CDH10: variants seen among roughly 807,000 people sequenced by gnomAD.
The protein encoded by CDH10 is cadherin 10.
A neutral mutation model predicts 73.1 loss-of-function variants in CDH10; 30 were observed. The ratio of observed to expected loss-of-function variants is 0.41; its 90% CI spans 0.31 to 0.56. The LOEUF (loss-of-function observed/expected upper bound fraction) is 0.56. CDH10 is among the 20% of genes least tolerant of loss of function. The pLI, the probability that CDH10 is intolerant of heterozygous loss-of-function variation, is 0.27. For missense variants in CDH10, 815 were observed against 973.7 expected (o/e 0.84, Z 2.17); for synonymous variants, 345 against 348.2 (o/e 0.99, Z 0.10).
At chr5:24,573,492 G>C (rs1012130612) in intron 2 of CDH10, among the ~76,000 whole-genome samples, 2 of 151,864 alleles carry the variant, frequency 1.3e-5, no homozygotes, top group Non-Finnish European at 2.9e-5. Flanking sequence ...ACGAGGTCAG[G>C]AGATTGAGAC....
chr5:24,540,162 G>C (rs1463820494), intron 2 of CDH10, among the ~76,000 whole-genome samples: 1 of 151,774 alleles, frequency 6.6e-6, no homozygotes, highest in African/African-American at 2.4e-5. Flanking sequence ...AAGCCCCCAG[G>C]AATCAATTAG....
intron 5 of CDH10, among the ~76,000 whole-genome samples, chr5:24,520,536 G>C (rs932857951): frequency 6.6e-6 from 1 of 152,226 alleles, no homozygotes; most frequent in African/African-American, 2.4e-5. Context: ...CAGTCTCAAT[G>C]ATCAGATACT....
chr5:24,582,439 A>G (rs751491796), intron 2 of CDH10, among the ~76,000 whole-genome samples: 4 of 152,178 alleles, frequency 2.6e-5, no homozygotes, highest in Non-Finnish European at 5.9e-5. Context: ...AACAGACACT[A>G]TTATCACAAA....
rs73746534 is a variant in CDH10 at position 24,490,397 on chromosome 5, G to T, written c.1876+1179C>A. On this transcript the variant is annotated intron_variant, in intron 11 of 11. Transcript: ENST00000264463. ...TTTTTGTAGTACAGAGAAAAGTTTTGTTCTGGATTTCATTTCATAGTAACA... is the reference window on the plus strand; with the variant it reads ...TTTTTGTAGTACAGAGAAAAGTTTTTTTCTGGATTTCATTTCATAGTAACA... Among the ~76,000 whole-genome samples, 778 of 150,244 alleles carry T rather than the reference G, an allele frequency of 5.2e-3. 7 individuals carry two copies. The highest frequency in any genetic ancestry group is 0.017 in the African/African-American group (714 of 40,922).
At chr5:24,587,565 T>G (rs995918563) in intron 2 of CDH10, among the ~76,000 whole-genome samples, 1 of 152,168 alleles carries the variant, frequency 6.6e-6, no homozygotes, top group African/African-American at 2.4e-5. Flanking sequence ...TTGAGATACC[T>G]TCTGCAGAGC....
At chr5:24,493,035 T>G in intron 9 of CDH10, 110 bp from the exon 10 acceptor site, 1 of 622,084 alleles carries the variant, frequency 1.6e-6, no homozygotes, top group East Asian at 2.6e-5. Context: ...TGACTTTTAT[T>G]TCATGTGAAT....
intron 1 of CDH10, among the ~76,000 whole-genome samples, chr5:24,640,129 A>G (rs1461714382): frequency 6.6e-6 from 1 of 151,872 alleles, no homozygotes; most frequent in East Asian, 1.9e-4. Flanking sequence ...ATGATAGAAT[A>G]CTGGCCATAA....
At chr5:24,546,023 A>C (rs956494318) in intron 2 of CDH10, among the ~76,000 whole-genome samples, 2 of 152,132 alleles carry the variant, frequency 1.3e-5, no homozygotes, top group African/African-American at 4.8e-5. Flanking sequence ...GGATTCCTGA[A>C]GGAGAAGGAC....
chr5:24,491,445 T>C, intron 11 of CDH10, 131 bp downstream of exon 11: 1 of 672,248 alleles, frequency 1.5e-6, no homozygotes, highest in Admixed American at 2.9e-5. Context: ...ATATAAAGAA[T>C]ATCACAAAGT....
At chr5:24,499,327 A>G (rs939764762) in intron 8 of CDH10, 2 of 152,634 alleles carry the variant, frequency 1.3e-5, no homozygotes, top group African/African-American at 4.8e-5. Flanking sequence ...GAAATAGCAT[A>G]CTAATCATAC....
intron 2 of CDH10, among the ~76,000 whole-genome samples, chr5:24,562,152 G>A (rs1744983425): frequency 6.6e-6 from 1 of 151,892 alleles, no homozygotes; most frequent in African/African-American, 2.4e-5. Flanking sequence ...TAGAAAAAAT[G>A]AGAAACAATG....
chr5:24,554,540 G>T (rs1232816126), intron 2 of CDH10, among the ~76,000 whole-genome samples: 2 of 147,086 alleles, frequency 1.4e-5, no homozygotes, highest in East Asian at 4.1e-4. Context: ...GATTTTTCTT[G>T]ATGGCTTTCC....
intron 2 of CDH10, among the ~76,000 whole-genome samples, chr5:24,572,054 A>G (rs970659829): frequency 2.0e-5 from 3 of 151,726 alleles, no homozygotes; most frequent in Non-Finnish European, 2.9e-5. Context: ...TTACTAATCT[A>G]CTATTCAGGA....
Position 24,537,420 on chromosome 5 carries a change from T to C in CDH10, c.486A>G (p.Glu162=), listed in dbSNP as rs753865414. 2.1e-5 allele frequency: 34 copies of C among 1,612,600 alleles called. No homozygotes were observed. In the South Asian group the frequency reaches 3.3e-4, roughly 16 times the overall value. Reference sequence around the variant, plus strand: ...CGGGAACACTAGCTGTATAGATTTCTTCTGGGAACGTTGGCTCATTGTCAT... The same window carrying C: ...CGGGAACACTAGCTGTATAGATTTCCTCTGGGAACGTTGGCTCATTGTCAT... The part of the protein sequence containing the change: ...DINDNEPTFP[E]EIYTASVPEM... Residue 162 remains glutamate, a synonymous_variant, in exon 3 of 12, where the codon GAA becomes GAG. Coordinates refer to ENST00000264463, the MANE Select transcript of CDH10 (RefSeq NM_006727.5).
intron 2 of CDH10, among the ~76,000 whole-genome samples, chr5:24,574,900 C>G (rs1745539468): frequency 6.6e-6 from 1 of 151,220 alleles, no homozygotes; most frequent in Non-Finnish European, 1.5e-5. Flanking sequence ...ATTATAAATT[C>G]AAACCTAACC....
At chr5:24,607,287 C>T (rs777191399) in intron 1 of CDH10, among the ~76,000 whole-genome samples, 1 of 152,080 alleles carries the variant, frequency 6.6e-6, no homozygotes, top group Non-Finnish European at 1.5e-5. Flanking sequence ...TTACATTTTC[C>T]CTTGGAGACA....
intron 1 of CDH10, among the ~76,000 whole-genome samples, chr5:24,630,263 G>A (rs1747658053): frequency 6.6e-6 from 1 of 151,970 alleles, no homozygotes; most frequent in Admixed American, 6.6e-5. Context: ...AATATTTTAA[G>A]GAGGCCACAC....
intron 2 of CDH10, among the ~76,000 whole-genome samples, chr5:24,591,777 T>C (rs372297170): frequency 7.3e-4 from 111 of 151,896 alleles, no homozygotes; most frequent in African/African-American, 2.4e-3. Flanking sequence ...TTTTATGAGA[T>C]AAAAATAAAA....
chr5:24,552,373 A>G (rs530199098), intron 2 of CDH10, among the ~76,000 whole-genome samples: 145 of 152,156 alleles, frequency 9.5e-4, no homozygotes, highest in Middle Eastern at 6.9e-3. Context: ...ATTAACTTCA[A>G]TATAATAATT....
Sources: allele counts gnomAD v4.1 joint callset (sites outside exome capture counted in the v4.1 genomes callset), GRCh38; gene constraint gnomAD v4.1.1; transcripts MANE v1.5; gene names NCBI Gene and HGNC (gene_info 2026-07-23, HGNC 2026-07-21).